BSDC1: variants seen among roughly 807,000 people sequenced by gnomAD.
The protein encoded by BSDC1 is BSD domain-containing protein 1.
Under a neutral mutation model 56.0 loss-of-function variants are expected in BSDC1, and 29 were observed. The ratio of observed to expected loss-of-function variants is 0.52; its 90% confidence interval spans 0.39 to 0.71. The LOEUF is 0.71. Ranked by LOEUF, BSDC1 falls within the 30% of genes least tolerant of loss-of-function variation. The pLI, the probability that BSDC1 is intolerant of heterozygous loss-of-function variation, is 0.00. For missense variants in BSDC1, 477 were observed against 548.5 expected (o/e 0.87, Z 1.30); for synonymous variants, 210 against 215.3 (o/e 0.98, Z 0.21).
chr1:32,388,641 T>C (rs1055497181), intron 2 of BSDC1, among the ~76,000 whole-genome samples: 1 of 152,210 alleles, frequency 6.6e-6, no homozygotes, highest in Admixed American at 6.5e-5. Context: ...TTACAAAGCC[T>C]ATATAACTTG....
rs201636842 is a variant in BSDC1 at position 32,386,833 on chromosome 1, A to G, written c.135T>C (p.His45=). 3 of 1,612,396 alleles carry G rather than the reference A, an allele frequency of 1.9e-6. No homozygotes were observed. Among genetic ancestry groups the G allele is most frequent in the Non-Finnish European group, 2.5e-6 (3 of 1,180,034 alleles). The change falls in exon 3 of 11, where the codon CAT becomes CAC. Residue 45 remains histidine (H), a synonymous_variant. Transcript: ENST00000455895. ...DLTEFTQVVQ[H]DTACTIAATA... The stretch of plus-strand genomic sequence containing the variant: ...TGGCTGCGATGGTACAGGCCGTGTC[A>G]TGCTGCACCACCTGGGTAAACTCCG...
Position 32,387,277 on chromosome 1 carries a change from T to G in BSDC1, c.73-382A>C, listed in dbSNP as rs115031479. Among the ~76,000 whole-genome samples, 402 of 152,242 alleles carry G rather than the reference T, an allele frequency of 2.6e-3. 5 individuals are homozygous for G. Among genetic ancestry groups the G allele is most frequent in the African/African-American group, 9.2e-3 (383 of 41,544 alleles). On this transcript the variant is annotated intron_variant, in intron 2 of 10. Coordinates refer to ENST00000455895, the MANE Select transcript of BSDC1 (RefSeq NM_018045.8). ...ACAATACTGACTTTGATGAATTGCT[T>G]TGATATGCTTTAAATCACGATATTC...
rs767798994 is a variant in BSDC1, at chr1:32,386,854, C to T, written c.114G>A (p.Glu38=). The change falls in exon 3 of 11, where the codon GAG becomes GAA. Residue 38 remains glutamate, a synonymous_variant. Transcript: ENST00000455895. Reference sequence around the variant, plus strand: ...TGTCATGCTGCACCACCTGGGTAAACTCCGTCAGGTCCCGCTTCATAAACT... The same window carrying T: ...TGTCATGCTGCACCACCTGGGTAAATTCCGTCAGGTCCCGCTTCATAAACT... The part of the protein sequence containing the change: ...ALEFMKRDLT[E]FTQVVQHDTA... 38 of 1,612,226 alleles carry T rather than the reference C, an allele frequency of 2.4e-5. No homozygotes were observed. The South Asian group carries it at 3.8e-4, about 16-fold the overall frequency.
At chr1:32,393,132 G>A (rs533549597) in intron 2 of BSDC1, among the ~76,000 whole-genome samples, 2 of 152,282 alleles carry the variant, frequency 1.3e-5, no homozygotes, top group East Asian at 3.9e-4. Context: ...CCTGGAGTTG[G>A]CCCTGAAGCA....
At chr1:32,390,574 C>A (rs1317590488) in intron 2 of BSDC1, among the ~76,000 whole-genome samples, 1 of 152,140 alleles carries the variant, frequency 6.6e-6, no homozygotes, top group African/African-American at 2.4e-5. Context: ...CTTGAGATGA[C>A]TGTGGGCTGT....
chr1:32,371,315 T>C (rs1182586627), intron 9 of BSDC1, among the ~76,000 whole-genome samples: 1 of 148,470 alleles, frequency 6.7e-6, no homozygotes, highest in Non-Finnish European at 1.5e-5. Flanking sequence ...TTTTTTTTTT[T>C]TTTTTTTTTT....
chr1:32,373,646 G>A (rs1475205017), intron 9 of BSDC1, among the ~76,000 whole-genome samples: 2 of 151,714 alleles, frequency 1.3e-5, no homozygotes, highest in Non-Finnish European at 2.9e-5. Flanking sequence ...TCAGCCTCCC[G>A]AGTAGCTGGG....
intron 9 of BSDC1, among the ~76,000 whole-genome samples, chr1:32,372,097 G>T (rs193228342): frequency 1.3e-5 from 2 of 152,282 alleles, no homozygotes; most frequent in Admixed American, 1.3e-4. Flanking sequence ...AGAATTAGAG[G>T]TATGAATGTA....
intron 10 of BSDC1, chr1:32,368,047 TCA>T: frequency 8.5e-7 from 1 of 1,173,842 alleles, no homozygotes; most frequent in Non-Finnish European, 1.1e-6. Context: ...TTTTTTTTTT[TCA>T]AAAACAGAAA....
chr1:32,378,927 A>C lies in BSDC1; in HGVS notation c.413-88T>G. 1.1e-6 allele frequency: 1 copy of C among 924,902 alleles called. No homozygotes were observed. 57.3% of individuals were successfully genotyped at this position (924,902 alleles called of 1,614,324 possible). A position where few individuals can be genotyped will look rare whatever the true frequency, so the allele number is the denominator to read the frequency against. ...AGAACATATCTAAGGCTGGACATGG[A>C]AAATGAAGAAAGCTTGTGTATTCAA... is the stretch of plus-strand genomic sequence containing the variant. On this transcript the variant is annotated intron_variant, in intron 5 of 10. Coordinates refer to ENST00000455895, the MANE Select transcript of BSDC1 (RefSeq NM_018045.8). The surrounding 1 kb of genome is among the most constrained non-coding windows in gnomAD (Gnocchi z 5.2).
At chr1:32,386,073 A>G (rs1390341908) in intron 3 of BSDC1, among the ~76,000 whole-genome samples, 1 of 152,300 alleles carries the variant, frequency 6.6e-6, no homozygotes, top group African/African-American at 2.4e-5. Flanking sequence ...TAGTCCCAGC[A>G]CTTTGGGAGA....
At chr1:32,367,534 A>C in intron 10 of BSDC1, 2 of 985,458 alleles carry the variant, frequency 2.0e-6, no homozygotes, top group Non-Finnish European at 2.4e-6. Context: ...CTCATAAGTT[A>C]CATGATGGAA....
chr1:32,367,764 A>G, intron 10 of BSDC1: 3 of 922,256 alleles, frequency 3.3e-6, no homozygotes, highest in Non-Finnish European at 3.9e-6. Context: ...GGGGTTTATC[A>G]CTAATGTCTC....
chr1:32,371,926 C>T (rs1320650051), intron 9 of BSDC1, among the ~76,000 whole-genome samples: 2 of 152,140 alleles, frequency 1.3e-5, no homozygotes, highest in Non-Finnish European at 2.9e-5. Context: ...CTGCAAAGAA[C>T]CACTGGAGAA....
At chr1:32,389,155 T>C (rs968910435) in intron 2 of BSDC1, among the ~76,000 whole-genome samples, 1 of 152,032 alleles carries the variant, frequency 6.6e-6, no homozygotes, top group Non-Finnish European at 1.5e-5. Flanking sequence ...GGGATTTCAC[T>C]GTGTTAGCCA....
chr1:32,378,409 GTCAGAGCA>G lies in BSDC1; in HGVS notation c.529-134_529-127del. On this transcript the variant is annotated intron_variant, in intron 6 of 10. Coordinates refer to ENST00000455895, the MANE Select transcript of BSDC1 (RefSeq NM_018045.8). The surrounding 1 kb of genome is among the most constrained non-coding windows in gnomAD (Gnocchi z 5.2). The stretch of plus-strand genomic sequence containing the variant: ...CCCAGTAAGTGGCTTAGCAGTGACA[GTCAGAGCA>G]CTTCCACCCCCACCAAAGTTTCAGC... 1.1e-6 allele frequency: 1 copy of G among 917,048 alleles called. No individual in the cohort carries two copies. The highest frequency in any genetic ancestry group is 1.7e-6 in the Non-Finnish European group (1 of 579,656). 56.8% of individuals were successfully genotyped at this position (917,048 alleles called of 1,614,324 possible).
intron 2 of BSDC1, among the ~76,000 whole-genome samples, chr1:32,392,230 G>A (rs1325219975): frequency 6.6e-6 from 1 of 152,170 alleles, no homozygotes. Context: ...TACTCAGGAG[G>A]CCGAGGCAGG....
At chr1:32,384,074 G>T in intron 3 of BSDC1, 77 bp from the exon 4 acceptor site, 1 of 1,598,812 alleles carries the variant, frequency 6.3e-7, no homozygotes, top group South Asian at 1.1e-5. Context: ...AAAACATTGG[G>T]GCAAAGGTGT....
chr1:32,394,179 A>G, intron 1 of BSDC1, 39 bp from the exon 2 acceptor site: 1 of 1,595,218 alleles, frequency 6.3e-7, no homozygotes, highest in Non-Finnish European at 8.5e-7. Context: ...CCGCGGTGCG[A>G]TTCCTGCCCG....
Sources: gnomAD v4.1 joint callset for allele counts (sites outside exome capture counted in the v4.1 genomes callset) on GRCh38, gnomAD v4.1.1 for gene constraint, Gnocchi (gnomAD v3.1) non-coding constraint, MANE v1.5 for transcripts, NCBI Gene and HGNC (gene_info 2026-07-23, HGNC 2026-07-21) for gene names.